The following RIN2 variants were observed in gnomAD, a reference collection of about 807,000 sequenced individuals.
The protein encoded by RIN2 is RAB5 interacting protein 2.
A neutral mutation model predicts 78.0 loss-of-function variants in RIN2; 36 were observed. The ratio of observed to expected loss-of-function variants is 0.46; its 90% CI spans 0.35 to 0.61. The LOEUF is 0.61. Among genes scored for constraint, RIN2 ranks in the 20% least tolerant of loss-of-function variants. RIN2 has a pLI of 0.00. For synonymous variants in RIN2, 466 were observed against 466.8 expected (o/e 1.00, Z 0.02); for missense variants, 1,087 against 1,159.7 (o/e 0.94, Z 0.91).
chr20:19,970,310 G>A (rs1356421159), intron 7 of RIN2, among the ~76,000 whole-genome samples: 2 of 152,202 alleles, frequency 1.3e-5, no homozygotes, highest in Non-Finnish European at 2.9e-5. Context: ...ACAGGAGAAC[G>A]TTTTGTCTCC....
At chr20:19,843,899 TA>T (rs2123107222) in intron 2 of RIN2, among the ~76,000 whole-genome samples, 1 of 152,378 alleles carries the variant, frequency 6.6e-6, no homozygotes, top group East Asian at 1.9e-4. Flanking sequence ...CTACTGACTT[TA>T]TAAAGAATAC....
At chr20:19,955,962 A>T (rs1343387254) in intron 4 of RIN2, among the ~76,000 whole-genome samples, 1 of 152,086 alleles carries the variant, frequency 6.6e-6, no homozygotes, top group East Asian at 1.9e-4. Context: ...CAAAGTTAGA[A>T]ATGTTTTATA....
At chr20:19,983,219 G>A (rs2042515460) in intron 9 of RIN2, among the ~76,000 whole-genome samples, 1 of 152,186 alleles carries the variant, frequency 6.6e-6, no homozygotes, top group African/African-American at 2.4e-5. Flanking sequence ...AGGAGAATAT[G>A]TTAGCACATA....
intron 3 of RIN2, among the ~76,000 whole-genome samples, chr20:19,923,853 G>A (rs966544725): frequency 2.0e-5 from 3 of 151,964 alleles, no homozygotes; most frequent in Non-Finnish European, 2.9e-5. Context: ...AGAACATCCC[G>A]ATTTTGACTA....
intron 7 of RIN2, among the ~76,000 whole-genome samples, chr20:19,966,775 T>A (rs1218876542): frequency 6.6e-6 from 1 of 152,150 alleles, no homozygotes; most frequent in African/African-American, 2.4e-5. Flanking sequence ...ATGGGACTAG[T>A]ACCTGGGGGC....
At chr20:19,976,122 G>A (rs920396853) in intron 9 of RIN2, among the ~76,000 whole-genome samples, 3 of 152,206 alleles carry the variant, frequency 2.0e-5, no homozygotes, top group African/African-American at 7.2e-5. Flanking sequence ...TGCAGGCTGT[G>A]CATACATACA....
chr20:19,813,576 G>C (rs1373591436), intron 2 of RIN2, among the ~76,000 whole-genome samples: 1 of 151,380 alleles, frequency 6.6e-6, no homozygotes, highest in East Asian at 1.9e-4. Flanking sequence ...GTTATAATAG[G>C]AATTACAAAA....
chr20:19,801,278 C>CTTTATTTTAT (rs200938634), intron 2 of RIN2, among the ~76,000 whole-genome samples: 1 of 151,694 alleles, frequency 6.6e-6, no homozygotes, highest in African/African-American at 2.4e-5. Context: ...TCAAGTAATT[C>CTTTATTTTAT]TTTATTTTAT....
chr20:19,881,197 T>G (rs575818234), intron 2 of RIN2, among the ~76,000 whole-genome samples: 1 of 152,320 alleles, frequency 6.6e-6, no homozygotes, highest in African/African-American at 2.4e-5. Flanking sequence ...TAGAGCTGAT[T>G]GTTAAAATTT....
At chr20:19,925,113 A>T (rs2040175978) in intron 3 of RIN2, among the ~76,000 whole-genome samples, 1 of 150,716 alleles carries the variant, frequency 6.6e-6, no homozygotes, top group South Asian at 2.1e-4. Flanking sequence ...AAAAAAAAAA[A>T]AGCTGTCCTC....
At chr20:19,788,817 T>C (rs904832378) in intron 1 of RIN2, among the ~76,000 whole-genome samples, 20 of 152,172 alleles carry the variant, frequency 1.3e-4, no homozygotes, top group Admixed American at 3.9e-4. Flanking sequence ...GATTGAGATA[T>C]TTTAAAGATG....
chr20:19,843,724 G>A (rs1477476387), intron 2 of RIN2, among the ~76,000 whole-genome samples: 1 of 152,002 alleles, frequency 6.6e-6, no homozygotes, highest in Non-Finnish European at 1.5e-5. Context: ...GAGGTGCCTG[G>A]ACTACCACAA....
chr20:19,854,262 A>G (rs1404411465), intron 2 of RIN2, among the ~76,000 whole-genome samples: 1 of 152,216 alleles, frequency 6.6e-6, no homozygotes, highest in East Asian at 1.9e-4. Context: ...TACCAGTACC[A>G]TGCTGTTTTG....
chr20:19,937,346 A>C (rs2040687592), intron 4 of RIN2, among the ~76,000 whole-genome samples: 1 of 152,132 alleles, frequency 6.6e-6, no homozygotes, highest in South Asian at 2.1e-4. Flanking sequence ...AGAAGTGGCG[A>C]GCACCGCCCG....
At chr20:19,809,865 C>T (rs1167606664) in intron 2 of RIN2, among the ~76,000 whole-genome samples, 2 of 152,140 alleles carry the variant, frequency 1.3e-5, no homozygotes, top group African/African-American at 4.8e-5. Context: ...TGGCCCAAGA[C>T]CTGGCCCAGA....
intron 2 of RIN2, among the ~76,000 whole-genome samples, chr20:19,877,499 G>T (rs1055236909): frequency 2.6e-5 from 4 of 152,162 alleles, no homozygotes; most frequent in Admixed American, 6.5e-5. Flanking sequence ...CCCCGTGAAA[G>T]AGCCATAAGG....
intron 2 of RIN2, among the ~76,000 whole-genome samples, chr20:19,827,502 G>A (rs1380493277): frequency 2.6e-5 from 4 of 152,168 alleles, no homozygotes; most frequent in African/African-American, 9.7e-5. Context: ...TTGAAGCCAA[G>A]GACCAACATT....
chr20:19,935,155 A>T lies in RIN2; in HGVS notation c.114A>T (p.Thr38=), dbSNP rs1011420867. The part of the protein sequence containing the change: ...IGELKQEMVR[T]DVNLENGLEP... ...AACTGAAACAGGAGATGGTGCGGAC[A>T]GATGTCAACCTGGAAAATGGCCTGG... is the stretch of plus-strand genomic sequence containing the variant. The change falls in exon 4 of 13, where the codon ACA becomes ACT. Residue 38 remains threonine, a synonymous_variant. Coordinates refer to ENST00000255006, the MANE Select transcript of RIN2 (RefSeq NM_018993.4). The T allele has an allele frequency of 6.2e-7, 1 of 1,605,238 alleles. No homozygotes were observed. The highest frequency in any genetic ancestry group is 8.5e-7 in the Non-Finnish European group (1 of 1,175,792).
At chr20:19,922,282 G>A (rs900168302) in intron 3 of RIN2, among the ~76,000 whole-genome samples, 4 of 152,158 alleles carry the variant, frequency 2.6e-5, no homozygotes, top group African/African-American at 9.7e-5. Context: ...GTCAAGGACT[G>A]ACCCTGGAGA....
Sources: gnomAD v4.1 joint callset for allele counts (sites outside exome capture counted in the v4.1 genomes callset) on GRCh38, gnomAD v4.1.1 for gene constraint, MANE v1.5 for transcripts, NCBI Gene and HGNC (gene_info 2026-07-23, HGNC 2026-07-21) for gene names.